Variants in NNAT observed in about 807,000 individuals in gnomAD.
NNAT encodes the protein neuronatin.
NNAT carries 8 observed loss-of-function variants against 12.7 expected under a neutral mutation model. The ratio of observed to expected loss-of-function variants is 0.63; its 90% CI spans 0.37 to 1.14. NNAT has a LOEUF of 1.14. Ranked by LOEUF, NNAT falls within the 50% of genes most tolerant of loss-of-function variation. NNAT has a pLI of 0.01. For missense variants in NNAT, 94 were observed against 108.3 expected (o/e 0.87, Z 0.59); for synonymous variants, 52 against 48.5 (o/e 1.07, Z -0.30).
Position 37,521,499 on chromosome 20 carries a change from C to A in NNAT, c.72+96C>A. On this transcript the variant is annotated intron_variant, in intron 1 of 2. Coordinates refer to ENST00000649451, the MANE Select transcript of NNAT (RefSeq NM_005386.4). This position sits in a 1 kb window ranked among gnomAD's most constrained non-coding sequence, Gnocchi z 4.5. The stretch of plus-strand genomic sequence containing the variant: ...GCGATTGCCGCTTCCCGGACCCGTC[C>A]TATTCCGATTGCCGCGATCCTTGCC... 1.6e-6 allele frequency: 2 copies of A among 1,256,576 alleles called. No individual in the cohort carries two copies. Among genetic ancestry groups the A allele is most frequent in the Non-Finnish European group, 2.3e-6 (2 of 860,874 alleles). The allele number at this position is 1,256,576 out of a possible 1,614,324, so 77.8% of individuals were successfully genotyped here.
rs2147190557 is a variant in NNAT, at chr20:37,522,379, T to C, written c.94T>C (p.Tyr32His). The change falls in exon 2 of 3, where the codon TAC becomes CAC. Residue 32 changes from tyrosine (Y) to histidine (H), a missense_variant. Transcript: ENST00000649451. ...LLQVFLECCI[Y>H]WVGFAFRNPP... ...CAAGGTGTTCCTGGAATGCTGCATT[T>C]ACTGGGTAGGATTCGCTTTTCGAAA... The C allele has an allele frequency of 6.2e-7, 1 of 1,613,922 alleles. No individual in the cohort carries two copies. Among genetic ancestry groups the C allele is most frequent in the Non-Finnish European group, 8.5e-7 (1 of 1,179,932 alleles).
chr20:37,522,488 C>T (rs1384048379), intron 2 of NNAT, 50 bp downstream of exon 2: 1 of 1,561,106 alleles, frequency 6.4e-7, no homozygotes, highest in Non-Finnish European at 8.8e-7. Flanking sequence ...CAGCTCTCAG[C>T]ACAGTTGGAA....
Position 37,521,540 on chromosome 20 carries a change from G to A in NNAT, c.72+137G>A. On this transcript the variant is annotated intron_variant, in intron 1 of 2. Transcript: ENST00000649451. This position sits in a 1 kb window ranked among gnomAD's most constrained non-coding sequence, Gnocchi z 4.5. ...GATCCTTGCCTGCCCAAGTGCCGCT[G>A]CCGGCACCGCGCGCCCCCTGCCCAT... The A allele has an allele frequency of 1.2e-6, 1 of 861,608 alleles. No individual in the cohort carries two copies. Among genetic ancestry groups the A allele is most frequent in the Non-Finnish European group, 1.9e-6 (1 of 536,942 alleles). 53.4% of individuals were successfully genotyped at this position (861,608 alleles called of 1,614,324 possible).
At chr20:37,522,239 G>C (rs934683207) in intron 1 of NNAT, 119 bp from the exon 2 acceptor site, 7 of 556,050 alleles carry the variant, frequency 1.3e-5, no homozygotes, top group Non-Finnish European at 1.8e-5. Context: ...GGTGTAAAAA[G>C]AGATAAATCA....
Position 37,521,488 on chromosome 20 carries a change from C to T in NNAT, c.72+85C>T. On this transcript the variant is annotated intron_variant, in intron 1 of 2. Transcript: ENST00000649451. This position sits in a 1 kb window ranked among gnomAD's most constrained non-coding sequence, Gnocchi z 4.5. ...AAGACTGCGTCGCGATTGCCGCTTC[C>T]CGGACCCGTCCTATTCCGATTGCCG... The T allele has an allele frequency of 1.5e-6, 2 of 1,335,508 alleles. No homozygotes were observed. The highest frequency in any genetic ancestry group is 2.2e-6 in the Non-Finnish European group (2 of 928,750). 82.7% of individuals were successfully genotyped at this position (1,335,508 alleles called of 1,614,324 possible). A position where few individuals can be genotyped will look rare whatever the true frequency, so the allele number is the denominator to read the frequency against.
Position 37,521,405 on chromosome 20 carries a change from T to C in NNAT, c.72+2T>C. On this transcript the variant is annotated splice_donor_variant, in intron 1 of 2. Transcript: ENST00000649451. LOFTEE classifies it high-confidence loss of function. The surrounding 1 kb of genome is among the most constrained non-coding windows in gnomAD (Gnocchi z 4.5). ...TACATCTTCCGCGTGCTGCTGCAGG[T>C]AAGTCTGACGGGGTTTCGGGTGGGA... 1.2e-6 allele frequency: 2 copies of C among 1,614,070 alleles called. No individual in the cohort carries two copies. Among genetic ancestry groups the C allele is most frequent in the Non-Finnish European group, 1.7e-6 (2 of 1,179,942 alleles).
In NNAT at chr20:37,521,828, AC is replaced by A. The variant is rs1303209106; in HGVS notation, c.72+426del. On this transcript the variant is annotated intron_variant, in intron 1 of 2. Transcript: ENST00000649451. This position sits in a 1 kb window ranked among gnomAD's most constrained non-coding sequence, Gnocchi z 4.5. Reference sequence around the variant, plus strand: ...TTGCGGAGAAATTTTATTTAAAAAAACATATAGCGCTTGCGGGGGTGGAACA... The same window carrying A: ...TTGCGGAGAAATTTTATTTAAAAAAAATATAGCGCTTGCGGGGGTGGAACA... The A allele has an allele frequency of 6.1e-6, 1 of 162,836 alleles. No individual in the cohort carries two copies. Among genetic ancestry groups the A allele is most frequent in the African/African-American group, 2.4e-5 (1 of 41,874 alleles). The allele number at this position is 162,836 out of a possible 1,614,324, so 10.1% of individuals were successfully genotyped here.
intron 1 of NNAT, among the ~76,000 whole-genome samples, chr20:37,522,090 C>A (rs1601092804): frequency 6.9e-6 from 1 of 144,098 alleles, no homozygotes; most frequent in East Asian, 2.0e-4. Context: ...CGGGCAAAAA[C>A]GCTTTAAAGA....
At position 37,522,534 on chromosome 20, in the gene NNAT, C is replaced by A. The variant is rs990074779; in HGVS notation, c.153+96C>A. On this transcript the variant is annotated intron_variant, in intron 2 of 2. Transcript: ENST00000649451. ...TGCCCTGACTCGTGGACAAGCTGCG[C>A]CCGCGCCCGCCTCTCCAGCCTACGC... 7 of 1,367,984 alleles carry A rather than the reference C, an allele frequency of 5.1e-6. No homozygotes were observed. In the Admixed American group the frequency reaches 1.3e-4, roughly 25 times the overall value. The allele number at this position is 1,367,984 out of a possible 1,614,324, so 84.7% of individuals were successfully genotyped here. A position where few individuals can be genotyped will look rare whatever the true frequency, so the allele number is the denominator to read the frequency against.
chr20:37,522,476 T>TG, intron 2 of NNAT, 38 bp downstream of exon 2: 1 of 1,580,514 alleles, frequency 6.3e-7, no homozygotes, highest in African/African-American at 1.3e-5. Context: ...CTTGCCGCCA[T>TG]GCAGCTCTCA....
rs544675196 is a variant in NNAT at position 37,521,687 on chromosome 20, C to T, written c.72+284C>T. On this transcript the variant is annotated intron_variant, in intron 1 of 2. Transcript: ENST00000649451. The surrounding 1 kb of genome is among the most constrained non-coding windows in gnomAD (Gnocchi z 4.5). ...TCACCCAGGCATTTAGCGACCTACG[C>T]GGTAAGAAAAACCCGCTACACCCGG... The T allele has an allele frequency of 1.9e-5, 8 of 417,432 alleles. No individual in the cohort carries two copies. In the East Asian group the frequency reaches 2.8e-4, roughly 14 times the overall value. The allele number at this position is 417,432 out of a possible 1,614,324, so 25.9% of individuals were successfully genotyped here. A position where few individuals can be genotyped will look rare whatever the true frequency, so the allele number is the denominator to read the frequency against.
rs1601095238 is a variant in NNAT at position 37,522,769 on chromosome 20, T to C, written c.*10T>C. 6.3e-7 allele frequency: 1 copy of C among 1,590,376 alleles called. No homozygotes were observed. Among genetic ancestry groups the C allele is most frequent in the Admixed American group, 1.7e-5 (1 of 57,154 alleles). ...GCGAGCCCCCAACTGAGGCCCCAGC[T>C]CCCAGCCCTGGGCGGCCGTATCATC... is the stretch of plus-strand genomic sequence containing the variant. On this transcript the variant is annotated 3_prime_UTR_variant, in exon 3 of 3. Transcript: ENST00000649451.
At chr20:37,522,258 C>A in intron 1 of NNAT, 100 bp from the exon 2 acceptor site, 1 of 770,136 alleles carries the variant, frequency 1.3e-6, no homozygotes, top group Non-Finnish European at 2.1e-6. Context: ...CAGAAGAAAG[C>A]GCTTTGCCCA....
rs2071579819 is a variant in NNAT at position 37,521,649 on chromosome 20, C to CCGCTGCGGACGAT, written c.72+248_72+260dup. On this transcript the variant is annotated intron_variant, in intron 1 of 2. Coordinates refer to ENST00000649451, the MANE Select transcript of NNAT (RefSeq NM_005386.4). This position sits in a 1 kb window ranked among gnomAD's most constrained non-coding sequence, Gnocchi z 4.5. Reference sequence around the variant, plus strand: ...CAAAGACTCGGGGCGCGGCGGGCGACCGCTGCGGACGATCACCCAGGCATT... The same window carrying CCGCTGCGGACGAT: ...CAAAGACTCGGGGCGCGGCGGGCGACCGCTGCGGACGATCGCTGCGGACGATCACCCAGGCATT... The CCGCTGCGGACGAT allele has an allele frequency of 1.9e-6, 1 of 517,928 alleles. No individual in the cohort carries two copies. The allele number at this position is 517,928 out of a possible 1,614,324, so 32.1% of individuals were successfully genotyped here. A position where few individuals can be genotyped will look rare whatever the true frequency, so the allele number is the denominator to read the frequency against.
At chr20:37,522,495 G>C in intron 2 of NNAT, 57 bp downstream of exon 2, 1 of 1,550,896 alleles carries the variant, frequency 6.4e-7, no homozygotes, top group African/African-American at 1.4e-5. Flanking sequence ...CAGCACAGTT[G>C]GAAAAGCTCC....
rs2071616114 is a variant in NNAT at position 37,522,424 on chromosome 20, A to T, written c.139A>T (p.Ile47Phe). 2.7e-5 allele frequency: 43 copies of T among 1,613,916 alleles called. No homozygotes were observed. The highest frequency in any genetic ancestry group is 3.1e-5 in the Non-Finnish European group (37 of 1,179,950). ...TCGAAATCCTCCAGGGACACAGCCC[A>T]TTGCGAGAAGTGAGGTATACCTAAG... ...AFRNPPGTQP[I>F]ARSEVFRYSL... Residue 47 changes from isoleucine to phenylalanine, a missense_variant, in exon 2 of 3, where the codon ATT (isoleucine) becomes TTT (phenylalanine). By Grantham distance (21) the Ile-to-Phe change is conservative. Coordinates refer to ENST00000649451, the MANE Select transcript of NNAT (RefSeq NM_005386.4).
Position 37,521,500 on chromosome 20 carries a change from T to G in NNAT, c.72+97T>G. ...CGATTGCCGCTTCCCGGACCCGTCC[T>G]ATTCCGATTGCCGCGATCCTTGCCT... On this transcript the variant is annotated intron_variant, in intron 1 of 2. Coordinates refer to ENST00000649451, the MANE Select transcript of NNAT (RefSeq NM_005386.4). The surrounding 1 kb of genome is among the most constrained non-coding windows in gnomAD (Gnocchi z 4.5). The G allele has an allele frequency of 8.0e-7, 1 of 1,244,238 alleles. No individual in the cohort carries two copies. Among genetic ancestry groups the G allele is most frequent in the Non-Finnish European group, 1.2e-6 (1 of 850,360 alleles). The allele number at this position is 1,244,238 out of a possible 1,614,324, so 77.1% of individuals were successfully genotyped here. A position where few individuals can be genotyped will look rare whatever the true frequency, so the allele number is the denominator to read the frequency against.
chr20:37,521,504 C>G lies in NNAT; in HGVS notation c.72+101C>G, dbSNP rs2071572098. On this transcript the variant is annotated intron_variant, in intron 1 of 2. Transcript: ENST00000649451. The surrounding 1 kb of genome is among the most constrained non-coding windows in gnomAD (Gnocchi z 4.5). ...TGCCGCTTCCCGGACCCGTCCTATT[C>G]CGATTGCCGCGATCCTTGCCTGCCC... 2 of 1,199,612 alleles carry G rather than the reference C, an allele frequency of 1.7e-6. No individual in the cohort carries two copies. The highest frequency in any genetic ancestry group is 2.5e-6 in the Non-Finnish European group (2 of 813,012). The allele number at this position is 1,199,612 out of a possible 1,614,324, so 74.3% of individuals were successfully genotyped here. A position where few individuals can be genotyped will look rare whatever the true frequency, so the allele number is the denominator to read the frequency against.
rs149524096 is a variant in NNAT at position 37,521,470 on chromosome 20, C to T, written c.72+67C>T. The T allele has an allele frequency of 5.4e-6, 8 of 1,483,218 alleles. No homozygotes were observed. Among genetic ancestry groups the T allele is most frequent in the Non-Finnish European group, 7.5e-6 (8 of 1,061,000 alleles). The allele number at this position is 1,483,218 out of a possible 1,614,324, so 91.9% of individuals were successfully genotyped here. A position where few individuals can be genotyped will look rare whatever the true frequency, so the allele number is the denominator to read the frequency against. ...CGCGCCCCTAGAACCCGCAAGACTG[C>T]GTCGCGATTGCCGCTTCCCGGACCC... On this transcript the variant is annotated intron_variant, in intron 1 of 2. Transcript: ENST00000649451. The surrounding 1 kb of genome is among the most constrained non-coding windows in gnomAD (Gnocchi z 4.5).
Sources: allele counts gnomAD v4.1 joint callset (sites outside exome capture counted in the v4.1 genomes callset), GRCh38; gene constraint gnomAD v4.1.1; non-coding constraint Gnocchi (gnomAD v3.1); transcripts MANE v1.5; gene names NCBI Gene and HGNC (gene_info 2026-07-23, HGNC 2026-07-21).